CDK17: variants seen among roughly 807,000 people sequenced by gnomAD.
CDK17 encodes the protein cyclin dependent kinase 17.
A neutral mutation model predicts 77.6 loss-of-function variants in CDK17; 24 were observed. That is an observed-to-expected ratio of 0.31 (90% CI 0.22 to 0.44). The LOEUF (loss-of-function observed/expected upper bound fraction) is 0.44, where lower values mean the gene tolerates loss of function less well. Ranked by LOEUF, CDK17 falls within the 20% of genes least tolerant of loss-of-function variation. The probability of loss-of-function intolerance (pLI) is 1.00; values close to 1 mark genes in which losing one functional copy is unlikely to be tolerated. For synonymous variants in CDK17, 203 were observed against 210.4 expected (o/e 0.96, Z 0.30); for missense variants, 429 against 622.5 (o/e 0.69, Z 3.31).
chr12:96,319,648 C>T lies in CDK17; in HGVS notation c.283+4300G>A, dbSNP rs1288995797. Among the ~76,000 whole-genome samples the T allele has an allele frequency of 5.6e-5, 8 of 142,592 alleles. No individual in the cohort carries two copies. In the East Asian group the frequency reaches 6.0e-4, roughly 11 times the overall value. The allele number at this position is 142,592 out of a possible 152,430, so 93.5% of individuals were successfully genotyped here. On this transcript the variant is annotated intron_variant, in intron 3 of 16. Coordinates refer to ENST00000261211, the MANE Select transcript of CDK17 (RefSeq NM_002595.5). ...TGGGATGCAAGGCTGGTTCAATATA[C>T]GCAAATCAACAAATGTAATCCAGCA...
chr12:96,361,674 T>C (rs1008039171), intron 1 of CDK17, among the ~76,000 whole-genome samples: 2 of 152,200 alleles, frequency 1.3e-5, no homozygotes, highest in African/African-American at 4.8e-5. Flanking sequence ...ACACCAAACT[T>C]TGAAAGAATG....
rs114912306 is a variant in CDK17 at position 96,361,034 on chromosome 12, G to A, written c.-29-26169C>T. On this transcript the variant is annotated intron_variant, in intron 1 of 16. Coordinates refer to ENST00000261211, the MANE Select transcript of CDK17 (RefSeq NM_002595.5). ...GAGCTGAGAGGAACAAAGGGAAGTC[G>A]TAGGAACTATGAAAACTCAGAGGCT... is the stretch of plus-strand genomic sequence containing the variant. 3.9e-3 allele frequency among the ~76,000 whole-genome samples: 588 copies of A among 152,298 alleles called. 2 individuals are homozygous for A. The highest frequency in any genetic ancestry group is 0.014 in the African/African-American group (570 of 41,558).
intron 1 of CDK17, among the ~76,000 whole-genome samples, chr12:96,394,345 T>G (rs1375464020): frequency 6.6e-6 from 1 of 152,072 alleles, no homozygotes; most frequent in African/African-American, 2.4e-5. Flanking sequence ...ATTATAAGAA[T>G]AGTAGATTAA....
intron 5 of CDK17, among the ~76,000 whole-genome samples, chr12:96,309,641 C>T (rs1336255471): frequency 2.0e-5 from 3 of 151,178 alleles, no homozygotes; most frequent in Non-Finnish European, 4.4e-5. Context: ...GACAGAAAAC[C>T]CAATAGAAAA....
Position 96,324,020 on chromosome 12 carries a change from G to T in CDK17, c.211C>A (p.Arg71=), listed in dbSNP as rs778799257. 6.2e-7 allele frequency: 1 copy of T among 1,611,864 alleles called. No homozygotes were observed. Among genetic ancestry groups the T allele is most frequent in the East Asian group, 2.2e-5 (1 of 44,856 alleles). The change falls in exon 3 of 17, where the codon CGG becomes AGG. Residue 71 remains arginine, a synonymous_variant. Transcript: ENST00000261211. ...YTGSFKKPPL[R]RPHSVIGGSL... is the part of the protein sequence containing the mutation. ...CCTCCAATAACACTGTGTGGTCTCC[G>T]CAATGGGGGCTTCTTGAAAGATCCT...
chr12:96,283,692 T>C, intron 13 of CDK17, 47 bp from the exon 14 acceptor site: 1 of 1,270,922 alleles, frequency 7.9e-7, no homozygotes, highest in Non-Finnish European at 1.1e-6. Flanking sequence ...TCTTAGCTGA[T>C]AAAACTTTTC....
intron 10 of CDK17, among the ~76,000 whole-genome samples, chr12:96,290,737 G>A (rs115936863): frequency 0.015 from 2,243 of 152,186 alleles, 54 homozygotes; most frequent in African/African-American, 0.05. Flanking sequence ...GGCTGCAAAC[G>A]TGCTTATCCT....
chr12:96,291,178 G>A (rs944954724), intron 10 of CDK17, among the ~76,000 whole-genome samples: 6 of 151,236 alleles, frequency 4.0e-5, no homozygotes, highest in Non-Finnish European at 5.9e-5. Flanking sequence ...CTATCTCATG[G>A]AATAATCAGA....
intron 1 of CDK17, among the ~76,000 whole-genome samples, chr12:96,347,918 G>A (rs1203654475): frequency 6.6e-6 from 1 of 152,138 alleles, no homozygotes; most frequent in African/African-American, 2.4e-5. Context: ...TTGTGCATAT[G>A]TGGAAATTAA....
intron 2 of CDK17, among the ~76,000 whole-genome samples, chr12:96,328,264 G>A (rs1952916764): frequency 6.6e-6 from 1 of 152,092 alleles, no homozygotes; most frequent in Non-Finnish European, 1.5e-5. Context: ...AGGAAGACAA[G>A]GGCAGGGCTC....
chr12:96,396,605 T>C (rs1954173711), intron 1 of CDK17, among the ~76,000 whole-genome samples: 2 of 152,224 alleles, frequency 1.3e-5, no homozygotes, highest in African/African-American at 2.4e-5. Flanking sequence ...TTTAAAAGTT[T>C]AGGCAAAAAT....
chr12:96,302,349 C>A lies in CDK17; in HGVS notation c.544-1989G>T, dbSNP rs1038782537. On this transcript the variant is annotated intron_variant, in intron 5 of 16. Coordinates refer to ENST00000261211, the MANE Select transcript of CDK17 (RefSeq NM_002595.5). ...TTTATATAGCCTATTTATATATGAT[C>A]TTAAATACTTTACTCCATAAAAAAG... Among the ~76,000 whole-genome samples the A allele has an allele frequency of 2.9e-5, 4 of 138,562 alleles. No homozygotes were observed. The East Asian group carries it at 7.7e-4, about 27-fold the overall frequency. The allele number at this position is 138,562 out of a possible 152,430, so 90.9% of individuals were successfully genotyped here.
At chr12:96,319,960 C>A (rs1270435387) in intron 3 of CDK17, among the ~76,000 whole-genome samples, 1 of 149,442 alleles carries the variant, frequency 6.7e-6, no homozygotes, top group African/African-American at 2.5e-5. Context: ...GGCAATCAGG[C>A]AGGAGAAGGA....
At chr12:96,381,137 A>G (rs750667105) in intron 1 of CDK17, among the ~76,000 whole-genome samples, 1 of 152,108 alleles carries the variant, frequency 6.6e-6, no homozygotes, top group African/African-American at 2.4e-5. Context: ...AAACCACATA[A>G]CCTTTTATCA....
At chr12:96,397,875 G>A (rs1954196569) in intron 1 of CDK17, among the ~76,000 whole-genome samples, 5 of 152,062 alleles carry the variant, frequency 3.3e-5, no homozygotes, top group Admixed American at 2.6e-4. Context: ...GGTGGAGTAG[G>A]GTAAGGAGTC....
intron 1 of CDK17, among the ~76,000 whole-genome samples, chr12:96,368,114 AAG>A (rs1177344754): frequency 1.3e-5 from 2 of 152,182 alleles, no homozygotes; most frequent in Admixed American, 6.5e-5. Flanking sequence ...GGAAAAAAAA[AAG>A]AGTGTGTGGA....
At chr12:96,350,475 A>G (rs1953293793) in intron 1 of CDK17, among the ~76,000 whole-genome samples, 1 of 152,212 alleles carries the variant, frequency 6.6e-6, no homozygotes, top group Non-Finnish European at 1.5e-5. Flanking sequence ...AAGACCTAAT[A>G]AAAAGATAAA....
chr12:96,375,044 G>C (rs1953756164), intron 1 of CDK17, among the ~76,000 whole-genome samples: 1 of 152,082 alleles, frequency 6.6e-6, no homozygotes, highest in Admixed American at 6.5e-5. Flanking sequence ...GCTGCACTTG[G>C]TCTCCTACTC....
intron 1 of CDK17, 71 bp downstream of exon 1, chr12:96,399,915 G>A (rs1365221969): frequency 1.6e-5 from 5 of 309,388 alleles, no homozygotes; most frequent in African/African-American, 6.6e-5. Context: ...TCTGTCCCAC[G>A]CAGCCTCCCG....
Sources: gnomAD v4.1 joint callset for allele counts (sites outside exome capture counted in the v4.1 genomes callset) on GRCh38, gnomAD v4.1.1 for gene constraint, MANE v1.5 for transcripts, NCBI Gene and HGNC (gene_info 2026-07-23, HGNC 2026-07-21) for gene names.